CDH4: variants seen among roughly 807,000 people sequenced by gnomAD.
CDH4 encodes the protein cadherin-4.
In CDH4, 33 loss-of-function variants were observed where a neutral mutation model predicts 86.0. The ratio of observed to expected loss-of-function variants is 0.38; its 90% confidence interval spans 0.29 to 0.51. The LOEUF is 0.51. Among genes scored for constraint, CDH4 ranks in the 20% least tolerant of loss-of-function variants. The pLI, the probability that CDH4 is intolerant of heterozygous loss-of-function variation, is 0.86. For synonymous variants in CDH4, 555 were observed against 549.4 expected (o/e 1.01, Z -0.14); for missense variants, 1,114 against 1,307.4 (o/e 0.85, Z 2.28).
At chr20:61,738,601 C>T (rs973676070) in intron 2 of CDH4, 1 of 152,304 alleles carries the variant, frequency 6.6e-6, no homozygotes, top group African/African-American at 2.4e-5. Flanking sequence ...CTTGGGGATT[C>T]CTCGGAGGCA....
At chr20:61,608,802 T>A (rs1273755280) in intron 2 of CDH4, among the ~76,000 whole-genome samples, 1 of 152,148 alleles carries the variant, frequency 6.6e-6, no homozygotes, top group African/African-American at 2.4e-5. Context: ...AATGAAGCTG[T>A]CATGTGATCA....
At chr20:61,801,311 G>A (rs1979819991) in intron 4 of CDH4, among the ~76,000 whole-genome samples, 2 of 152,100 alleles carry the variant, frequency 1.3e-5, no homozygotes, top group African/African-American at 2.4e-5. Context: ...GTGTCCAGCC[G>A]CATCAGCCAA....
intron 2 of CDH4, among the ~76,000 whole-genome samples, chr20:61,720,540 G>A (rs1018431877): frequency 1.2e-4 from 18 of 144,960 alleles, no homozygotes; most frequent in African/African-American, 3.7e-4. Context: ...GGTATGGGGT[G>A]CAGAGTGTAG....
intron 2 of CDH4, among the ~76,000 whole-genome samples, chr20:61,499,244 C>T (rs906851001): frequency 5.3e-5 from 8 of 152,210 alleles, no homozygotes; most frequent in Non-Finnish European, 7.3e-5. Context: ...TCATCCTCAG[C>T]GTCAGGCAGT....
chr20:61,677,906 AGGT>A (rs1294653966), intron 2 of CDH4, among the ~76,000 whole-genome samples: 22 of 152,100 alleles, frequency 1.4e-4, no homozygotes, highest in African/African-American at 4.8e-4. Flanking sequence ...GATAAATGAT[AGGT>A]GATAGATACA....
At position 61,367,445 on chromosome 20, in the gene CDH4, A is replaced by T. The variant is rs905375555; in HGVS notation, c.169+112508A>T. ...AAGAAAGTGCTCAAATAGTGGTGGG[A>T]ATGTGATAAAAGAAAACCACAGAAG... On this transcript the variant is annotated intron_variant, in intron 2 of 15. Transcript: ENST00000614565. Among the ~76,000 whole-genome samples the T allele has an allele frequency of 8.5e-5, 13 of 152,236 alleles. No homozygotes were observed. In the South Asian group the frequency reaches 1.5e-3, roughly 17 times the overall value.
rs2087863635 is a variant in CDH4 at position 61,709,147 on chromosome 20, A to C, written c.170-34416A>C. Reference sequence around the variant, plus strand: ...TAGCGGCCGCCCAAATGATGAGCCCACAACGCACCTGCCCCTCTCTCCAGG... The same window carrying C: ...TAGCGGCCGCCCAAATGATGAGCCCCCAACGCACCTGCCCCTCTCTCCAGG... On this transcript the variant is annotated intron_variant, in intron 2 of 15. Coordinates refer to ENST00000614565, the MANE Select transcript of CDH4 (RefSeq NM_001794.5). The surrounding 1 kb of genome is among the most constrained non-coding windows in gnomAD (Gnocchi z 4.8). Among the ~76,000 whole-genome samples the C allele has an allele frequency of 6.6e-6, 1 of 152,222 alleles. No homozygotes were observed. The highest frequency in any genetic ancestry group is 2.1e-4 in the South Asian group (1 of 4,830).
chr20:61,322,263 A>G (rs752923309), intron 2 of CDH4, among the ~76,000 whole-genome samples: 1 of 152,150 alleles, frequency 6.6e-6, no homozygotes, highest in Non-Finnish European at 1.5e-5. Flanking sequence ...AACTCCCCAC[A>G]TACACAGGAG....
At chr20:61,507,252 T>C (rs1201441276) in intron 2 of CDH4, among the ~76,000 whole-genome samples, 5 of 152,214 alleles carry the variant, frequency 3.3e-5, no homozygotes, top group Admixed American at 2.0e-4. Context: ...GTACCACATC[T>C]AATTAGGAGA....
At chr20:61,912,902 A>G (rs1429947978) in intron 9 of CDH4, among the ~76,000 whole-genome samples, 1 of 152,198 alleles carries the variant, frequency 6.6e-6, no homozygotes, top group African/African-American at 2.4e-5. Context: ...CTAGAAACCC[A>G]CAAGGTGAAT....
intron 2 of CDH4, among the ~76,000 whole-genome samples, chr20:61,275,215 T>C (rs2084221723): frequency 4.5e-5 from 6 of 132,188 alleles, no homozygotes; most frequent in East Asian, 2.3e-4. Context: ...CTGTATGCAA[T>C]TTGGGGGAGT....
At chr20:61,539,723 C>A (rs990232983) in intron 2 of CDH4, among the ~76,000 whole-genome samples, 2 of 152,228 alleles carry the variant, frequency 1.3e-5, no homozygotes, top group African/African-American at 2.4e-5. Flanking sequence ...TGGCTTGGGG[C>A]TCCTGGTGGT....
At chr20:61,760,820 G>T (rs370654987) in intron 3 of CDH4, among the ~76,000 whole-genome samples, 3 of 152,292 alleles carry the variant, frequency 2.0e-5, no homozygotes, top group South Asian at 4.2e-4. Flanking sequence ...AGGGAGAGTG[G>T]GTTTGGCCCC....
intron 2 of CDH4, among the ~76,000 whole-genome samples, chr20:61,298,331 G>C (rs750389735): frequency 2.0e-5 from 3 of 151,974 alleles, no homozygotes; most frequent in East Asian, 1.9e-4. Context: ...AAGTGCACAG[G>C]CTTCATTGAT....
intron 8 of CDH4, among the ~76,000 whole-genome samples, chr20:61,897,816 C>T (rs774914803): frequency 2.6e-5 from 4 of 152,246 alleles, no homozygotes; most frequent in Admixed American, 6.5e-5. Context: ...CCCCAGATCA[C>T]GGGGCAGGGG....
intron 2 of CDH4, among the ~76,000 whole-genome samples, chr20:61,612,022 G>T (rs1600806406): frequency 6.6e-6 from 1 of 152,190 alleles, no homozygotes; most frequent in Non-Finnish European, 1.5e-5. Context: ...AGGTTTCTTG[G>T]ATATTACGCA....
At chr20:61,715,044 T>C (rs73314443) in intron 2 of CDH4, among the ~76,000 whole-genome samples, 7,104 of 152,322 alleles carry the variant, frequency 0.047, 513 homozygotes, top group African/African-American at 0.15. Flanking sequence ...TGTGAGCATT[T>C]GCTTTCACCA....
intron 2 of CDH4, among the ~76,000 whole-genome samples, chr20:61,659,172 G>A (rs1487492311): frequency 6.6e-6 from 1 of 152,180 alleles, no homozygotes; most frequent in African/African-American, 2.4e-5. Flanking sequence ...CCTGGGACAC[G>A]CCACGTGAGG....
At chr20:61,923,940 G>A (rs957788418) in intron 10 of CDH4, among the ~76,000 whole-genome samples, 14 of 152,318 alleles carry the variant, frequency 9.2e-5, no homozygotes, top group African/African-American at 3.4e-4. Context: ...ATTCAGCACT[G>A]TCTAGACACA....
Sources: allele counts gnomAD v4.1 joint callset (sites outside exome capture counted in the v4.1 genomes callset), GRCh38; gene constraint gnomAD v4.1.1; non-coding constraint Gnocchi (gnomAD v3.1); transcripts MANE v1.5; gene names NCBI Gene and HGNC (gene_info 2026-07-23, HGNC 2026-07-21).